The following UGGT2 variants were observed in gnomAD, a reference collection of about 807,000 sequenced individuals.
UGGT2 encodes the protein UDP-glucose:glycoprotein glucosyltransferase 2.
A neutral mutation model predicts 192.1 loss-of-function variants in UGGT2; 180 were observed. The ratio of observed to expected loss-of-function variants is 0.94; its 90% CI spans 0.83 to 1.06. The LOEUF (loss-of-function observed/expected upper bound fraction) is 1.06. Among genes scored for constraint, UGGT2 ranks in the 50% least tolerant of loss-of-function variants. The pLI is 0.00. For missense variants in UGGT2, 1,849 were observed against 1,795.7 expected, an observed-to-expected ratio of 1.03 and a Z score of -0.54; for synonymous variants, 580 against 591.0, an observed-to-expected ratio of 0.98 and a Z score of 0.27.
At chr13:95,821,541 CTGA>C (rs1161769668) in intron 38 of UGGT2, among the ~76,000 whole-genome samples, 1 of 152,186 alleles carries the variant, frequency 6.6e-6, no homozygotes, top group East Asian at 1.9e-4. Flanking sequence ...TAGGTTTAGT[CTGA>C]TGATTATTTC....
intron 1 of UGGT2, among the ~76,000 whole-genome samples, chr13:96,032,727 C>T (rs994128615): frequency 3.1e-4 from 47 of 152,220 alleles, no homozygotes; most frequent in African/African-American, 1.0e-3. Flanking sequence ...TTACCTTTCT[C>T]TCTAGGCTTG....
At position 95,840,504 on chromosome 13, in the gene UGGT2, C is replaced by G. The variant is rs1416413103; in HGVS notation, c.4285-3302G>C. Among the ~76,000 whole-genome samples, 12 of 152,074 alleles carry G rather than the reference C, an allele frequency of 7.9e-5. No individual in the cohort carries two copies. The East Asian group carries it at 2.3e-3, about 29-fold the overall frequency. ...AAAACCACAATGAGTGGTTTTGATA[C>G]CATCTCATGCCAGTTAGAATGGTGA... On this transcript the variant is annotated intron_variant, in intron 36 of 38. Coordinates refer to ENST00000376747, the MANE Select transcript of UGGT2 (RefSeq NM_020121.4).
chr13:95,846,349 A>C (rs1158151192), intron 36 of UGGT2, among the ~76,000 whole-genome samples: 2 of 143,274 alleles, frequency 1.4e-5, no homozygotes, highest in Non-Finnish European at 1.5e-5. Flanking sequence ...CACGCAGGGA[A>C]GTTGCAGTGA....
At chr13:95,975,435 A>G (rs1031103155) in intron 10 of UGGT2, among the ~76,000 whole-genome samples, 4 of 152,128 alleles carry the variant, frequency 2.6e-5, no homozygotes, top group African/African-American at 9.7e-5. Flanking sequence ...AAGTCTCCCA[A>G]ATGAATTCAT....
intron 37 of UGGT2, among the ~76,000 whole-genome samples, chr13:95,836,284 A>AG (rs1887279604): frequency 6.6e-6 from 1 of 152,200 alleles, no homozygotes; most frequent in African/African-American, 2.4e-5. Context: ...TCCTGACCTG[A>AG]GGTGATCCAC....
intron 38 of UGGT2, among the ~76,000 whole-genome samples, chr13:95,814,610 CATT>C (rs1430118688): frequency 6.6e-6 from 1 of 152,206 alleles, no homozygotes; most frequent in Non-Finnish European, 1.5e-5. Context: ...GTCCTTCTCA[CATT>C]ATAAAATACA....
At chr13:95,977,872 A>G (rs1323382482) in intron 10 of UGGT2, among the ~76,000 whole-genome samples, 3 of 152,210 alleles carry the variant, frequency 2.0e-5, no homozygotes, top group Non-Finnish European at 4.4e-5. Context: ...ATAGAAAAGA[A>G]TGAGTTCATG....
intron 36 of UGGT2, among the ~76,000 whole-genome samples, chr13:95,850,970 G>T (rs1208216108): frequency 6.6e-6 from 1 of 152,224 alleles, no homozygotes; most frequent in African/African-American, 2.4e-5. Flanking sequence ...AAGGAATAAA[G>T]ACTTGCCCAA....
chr13:95,927,360 A>C (rs754034064), intron 17 of UGGT2, 24 bp from the exon 18 acceptor site: 1 of 1,573,224 alleles, frequency 6.4e-7, no homozygotes, highest in Non-Finnish European at 8.6e-7. Context: ...AATGTTATTT[A>C]GATAATACAG....
chr13:95,832,052 T>C (rs1886765012), intron 38 of UGGT2, among the ~76,000 whole-genome samples: 1 of 151,970 alleles, frequency 6.6e-6, no homozygotes, highest in African/African-American at 2.4e-5. Flanking sequence ...AAAACTTTTT[T>C]TTTTTTTTAA....
In UGGT2 at chr13:95,877,384, AT is replaced by A; in HGVS notation, c.3388-21del. On this transcript the variant is annotated intron_variant, in intron 28 of 38. Coordinates refer to ENST00000376747, the MANE Select transcript of UGGT2 (RefSeq NM_020121.4). ...ATACCCCTTTTAAGATGAGAAAAAA[AT>A]AATCATTGAGTAATATGACTAAAAA... The A allele has an allele frequency of 4.4e-6, 7 of 1,578,024 alleles. No homozygotes were observed. Among genetic ancestry groups the A allele is most frequent in the Non-Finnish European group, 6.0e-6 (7 of 1,159,674 alleles).
intron 22 of UGGT2, among the ~76,000 whole-genome samples, chr13:95,898,545 T>G (rs545778095): frequency 6.6e-6 from 1 of 152,260 alleles, no homozygotes; most frequent in Admixed American, 6.5e-5. Flanking sequence ...CATATGACAC[T>G]GCTATGAATG....
chr13:95,886,884 A>T (rs1056647265), intron 26 of UGGT2, among the ~76,000 whole-genome samples: 1 of 152,010 alleles, frequency 6.6e-6, no homozygotes, highest in African/African-American at 2.4e-5. Flanking sequence ...CTCTACAAAA[A>T]TACAAAACAA....
At chr13:95,880,145 T>C (rs1360012189) in intron 27 of UGGT2, among the ~76,000 whole-genome samples, 1 of 152,228 alleles carries the variant, frequency 6.6e-6, no homozygotes, top group Non-Finnish European at 1.5e-5. Context: ...ACTGTTCTTC[T>C]GTGGCTGAAT....
intron 37 of UGGT2, among the ~76,000 whole-genome samples, chr13:95,836,492 T>C (rs964403454): frequency 2.0e-5 from 3 of 152,180 alleles, no homozygotes; most frequent in African/African-American, 7.2e-5. Context: ...GTTCTCACCA[T>C]TCCTTTATAA....
intron 20 of UGGT2, among the ~76,000 whole-genome samples, chr13:95,909,088 G>A (rs1299944879): frequency 2.0e-5 from 3 of 151,954 alleles, no homozygotes; most frequent in Non-Finnish European, 2.9e-5. Flanking sequence ...TAGGTCTAAC[G>A]TTTAAGTCTT....
chr13:95,801,898 C>T lies in UGGT2; in HGVS notation c.4529-86G>A, dbSNP rs1884074625. ...TTACTTACATATGATGAGGAAGCAC[C>T]GGTACTGACTGAGGATCCTTTATTT... is the stretch of plus-strand genomic sequence containing the variant. On this transcript the variant is annotated intron_variant, in intron 38 of 38. Coordinates refer to ENST00000376747, the MANE Select transcript of UGGT2 (RefSeq NM_020121.4). 153 of 1,487,908 alleles carry T rather than the reference C, an allele frequency of 1.0e-4. 1 individual carries two copies. In the South Asian group the frequency reaches 1.5e-3, roughly 15 times the overall value. The allele number at this position is 1,487,908 out of a possible 1,614,324, so 92.2% of individuals were successfully genotyped here.
At chr13:95,984,375 C>A (rs1029910253) in intron 9 of UGGT2, among the ~76,000 whole-genome samples, 5 of 152,110 alleles carry the variant, frequency 3.3e-5, no homozygotes, top group Admixed American at 3.3e-4. Flanking sequence ...TTCTACCCAG[C>A]AGGACTGCAG....
chr13:95,830,779 T>C (rs1886585454), intron 38 of UGGT2, among the ~76,000 whole-genome samples: 1 of 152,168 alleles, frequency 6.6e-6, no homozygotes, highest in African/African-American at 2.4e-5. Flanking sequence ...CATTACTGGG[T>C]ATATACCCAA....
Sources: gnomAD v4.1 joint callset for allele counts (sites outside exome capture counted in the v4.1 genomes callset) on GRCh38, gnomAD v4.1.1 for gene constraint, MANE v1.5 for transcripts, NCBI Gene and HGNC (gene_info 2026-07-23, HGNC 2026-07-21) for gene names.